Variants in DLGAP2 observed in about 807,000 individuals in gnomAD.
DLGAP2 encodes the protein disks large-associated protein 2.
A neutral mutation model predicts 100.3 loss-of-function variants in DLGAP2; 26 were observed. The ratio of observed to expected loss-of-function variants is 0.26; its 90% confidence interval spans 0.19 to 0.36. DLGAP2 has a LOEUF of 0.36. Ranked by LOEUF, DLGAP2 falls within the 10% of genes least tolerant of loss-of-function variation. The probability of loss-of-function intolerance (pLI) is 1.00; values close to 1 mark genes in which losing one functional copy is unlikely to be tolerated. For missense variants in DLGAP2, 1,858 were observed against 1,453.2 expected, an observed-to-expected ratio of 1.28 and a Z score of -4.53; for synonymous variants, 886 against 630.1, an observed-to-expected ratio of 1.41 and a Z score of -6.08.
chr8:1,028,525 G>A (rs1048288838), intron 2 of DLGAP2, among the ~76,000 whole-genome samples: 1 of 152,176 alleles, frequency 6.6e-6, no homozygotes, highest in Non-Finnish European at 1.5e-5. Context: ...GCGGTGCCAG[G>A]CACCCGTTAT....
intron 4 of DLGAP2, among the ~76,000 whole-genome samples, chr8:1,504,067 T>C (rs925755185): frequency 3.9e-5 from 6 of 151,942 alleles, no homozygotes; most frequent in Admixed American, 1.3e-4. Flanking sequence ...CGTGCAAATA[T>C]TAGGTCTTGA....
At chr8:1,525,435 G>A (rs534005331) in intron 4 of DLGAP2, among the ~76,000 whole-genome samples, 65 of 152,134 alleles carry the variant, frequency 4.3e-4, no homozygotes, top group Middle Eastern at 3.4e-3. Flanking sequence ...TCTGAGCTGC[G>A]CAGTTATTGA....
chr8:784,223 A>T (rs1821778249), intron 1 of DLGAP2, among the ~76,000 whole-genome samples: 1 of 152,266 alleles, frequency 6.6e-6, no homozygotes, highest in Admixed American at 6.5e-5. Flanking sequence ...ATTTATAATT[A>T]TATTTTAGGG....
At chr8:829,243 A>G (rs1395304898) in intron 1 of DLGAP2, among the ~76,000 whole-genome samples, 2 of 152,216 alleles carry the variant, frequency 1.3e-5, no homozygotes, top group East Asian at 3.9e-4. Flanking sequence ...AATGTGTAAA[A>G]ATAATCAATA....
chr8:813,800 C>G (rs1055376349), intron 1 of DLGAP2, among the ~76,000 whole-genome samples: 1 of 152,126 alleles, frequency 6.6e-6, no homozygotes, highest in African/African-American at 2.4e-5. Flanking sequence ...GCACATTTCT[C>G]CAGCAGATAA....
At chr8:1,445,756 T>C (rs532828248) in intron 3 of DLGAP2, among the ~76,000 whole-genome samples, 1 of 152,286 alleles carries the variant, frequency 6.6e-6, no homozygotes, top group East Asian at 1.9e-4. Flanking sequence ...CACCTGTTGT[T>C]TCCTGACTTT....
intron 3 of DLGAP2, among the ~76,000 whole-genome samples, chr8:1,330,301 A>C (rs1368140735): frequency 7.9e-6 from 1 of 126,352 alleles, no homozygotes; most frequent in African/African-American, 3.0e-5. Context: ...TGGGAGCACT[A>C]CTTCACAGGG....
At chr8:1,447,269 C>G (rs188586331) in intron 3 of DLGAP2, among the ~76,000 whole-genome samples, 6 of 152,142 alleles carry the variant, frequency 3.9e-5, no homozygotes, top group African/African-American at 1.2e-4. Flanking sequence ...TACATCCCAT[C>G]TAATTTATTG....
intron 3 of DLGAP2, among the ~76,000 whole-genome samples, chr8:1,266,268 T>G (rs1308663831): frequency 6.6e-6 from 1 of 152,204 alleles, no homozygotes. Flanking sequence ...TATGTGGCAT[T>G]TTAGCAAGCA....
intron 2 of DLGAP2, chr8:1,137,878 C>G (rs1388884146): frequency 6.6e-6 from 1 of 152,258 alleles, no homozygotes; most frequent in East Asian, 1.9e-4. Flanking sequence ...GCAATCTCTG[C>G]CTCCGGGGTT....
intron 1 of DLGAP2, among the ~76,000 whole-genome samples, chr8:848,318 T>A (rs1585927493): frequency 6.6e-6 from 1 of 152,110 alleles, no homozygotes; most frequent in Non-Finnish European, 1.5e-5. Flanking sequence ...TGTTCCAGTA[T>A]AGGATCGTGC....
At chr8:880,636 C>G (rs1797770745) in intron 1 of DLGAP2, among the ~76,000 whole-genome samples, 1 of 149,356 alleles carries the variant, frequency 6.7e-6, no homozygotes, top group Admixed American at 6.6e-5. Flanking sequence ...TTGCCTGCGA[C>G]ATGGCATCCG....
In DLGAP2 at chr8:1,051,047, T is replaced by C. The variant is rs566123980; in HGVS notation, c.73+143081T>C. 4.1e-4 allele frequency among the ~76,000 whole-genome samples: 53 copies of C among 128,668 alleles called. 2 individuals are homozygous for C. The highest frequency in any genetic ancestry group is 6.3e-4 in the Non-Finnish European group (38 of 60,452). 84.4% of individuals were successfully genotyped at this position (128,668 alleles called of 152,430 possible). Reference sequence around the variant, plus strand: ...TGGGTGGGGGTCATTTTGTGGTGGGTCATTTCGTGGGTGGGGGTCATTTTG... The same window carrying C: ...TGGGTGGGGGTCATTTTGTGGTGGGCCATTTCGTGGGTGGGGGTCATTTTG... On this transcript the variant is annotated intron_variant, in intron 2 of 14. Transcript: ENST00000637795.
rs147564929 is a variant in DLGAP2 at position 1,294,360 on chromosome 8, C to G, written c.106+35477C>G. Among the ~76,000 whole-genome samples, 1,048 of 152,326 alleles carry G rather than the reference C, an allele frequency of 6.9e-3. 11 individuals carry two copies. Among genetic ancestry groups the G allele is most frequent in the Middle Eastern group, 0.037 (11 of 294 alleles). Reference sequence around the variant, plus strand: ...GAAGCCAGATTGTGATTGGCACTCTCCGTCGTCGTCCACGAGTGACTGGTG... The same window carrying G: ...GAAGCCAGATTGTGATTGGCACTCTGCGTCGTCGTCCACGAGTGACTGGTG... On this transcript the variant is annotated intron_variant, in intron 3 of 14. Transcript: ENST00000637795.
At chr8:1,558,963 C>T (rs534668397) in intron 5 of DLGAP2, among the ~76,000 whole-genome samples, 2 of 152,192 alleles carry the variant, frequency 1.3e-5, no homozygotes, top group Non-Finnish European at 2.9e-5. Flanking sequence ...TGTTTTTCCT[C>T]GGTTCCAGTG....
At chr8:961,188 C>T (rs985426930) in intron 2 of DLGAP2, among the ~76,000 whole-genome samples, 6 of 152,156 alleles carry the variant, frequency 3.9e-5, no homozygotes, top group East Asian at 1.9e-4. Context: ...ATGTGGTCTG[C>T]GAAAGCTGGG....
intron 2 of DLGAP2, among the ~76,000 whole-genome samples, chr8:1,173,345 T>G (rs2116682616): frequency 6.6e-6 from 1 of 152,296 alleles, no homozygotes; most frequent in South Asian, 2.1e-4. Flanking sequence ...GAGACCCACT[T>G]GAGGAGGCAG....
chr8:777,659 G>A lies in DLGAP2; in HGVS notation c.18+39834G>A, dbSNP rs1365679206. Among the ~76,000 whole-genome samples the A allele has an allele frequency of 1.8e-3, 269 of 152,004 alleles. 1 individual carries two copies. Among genetic ancestry groups the A allele is most frequent in the Non-Finnish European group, 2.7e-3 (185 of 67,934 alleles). ...TTCTGGGTTGAAAATTCTTTTCTTTGAGAATGTTGAATATTGGCCCCCACT... is the reference window on the plus strand; with the variant it reads ...TTCTGGGTTGAAAATTCTTTTCTTTAAGAATGTTGAATATTGGCCCCCACT... On this transcript the variant is annotated intron_variant, in intron 1 of 14. Coordinates refer to ENST00000637795, the MANE Select transcript of DLGAP2 (RefSeq NM_001346810.2).
chr8:1,586,710 A>G (rs562899853), intron 6 of DLGAP2, among the ~76,000 whole-genome samples: 3 of 152,296 alleles, frequency 2.0e-5, no homozygotes, highest in Admixed American at 6.5e-5. Context: ...CCCAGATGTC[A>G]CTGGACGGAC....
Sources: gnomAD v4.1 joint callset for allele counts (sites outside exome capture counted in the v4.1 genomes callset) on GRCh38, gnomAD v4.1.1 for gene constraint, MANE v1.5 for transcripts, NCBI Gene and HGNC (gene_info 2026-07-23, HGNC 2026-07-21) for gene names.